The following ASTN1 variants were observed in gnomAD, a reference collection of about 807,000 sequenced individuals.
ASTN1 encodes the protein astrotactin-1.
In ASTN1, 41 loss-of-function variants were observed where a neutral mutation model predicts 140.7. The ratio of observed to expected loss-of-function variants is 0.29; its 90% CI spans 0.23 to 0.38. The LOEUF (loss-of-function observed/expected upper bound fraction) is 0.38, where lower values mean the gene tolerates loss of function less well. Ranked by LOEUF, ASTN1 falls within the 10% of genes least tolerant of loss-of-function variation. ASTN1 has a pLI of 1.00. For synonymous variants in ASTN1, 640 were observed against 652.2 expected, an observed-to-expected ratio of 0.98 and a Z score of 0.29; for missense variants, 1,479 against 1,678.8, an observed-to-expected ratio of 0.88 and a Z score of 2.08.
intron 8 of ASTN1, among the ~76,000 whole-genome samples, chr1:176,992,124 C>T (rs1674211016): frequency 6.6e-6 from 1 of 152,138 alleles, no homozygotes; most frequent in African/African-American, 2.4e-5. Context: ...AAATATCTCA[C>T]AGTGCCCCTG....
intron 8 of ASTN1, among the ~76,000 whole-genome samples, chr1:176,996,324 G>GAGAGAC (rs1219475761): frequency 3.3e-4 from 50 of 151,534 alleles, no homozygotes; most frequent in African/African-American, 1.2e-3. Flanking sequence ...GAGAGAGAGA[G>GAGAGAC]AGACAGAGAC....
At chr1:177,091,245 T>C (rs1033745744) in intron 1 of ASTN1, among the ~76,000 whole-genome samples, 1 of 152,222 alleles carries the variant, frequency 6.6e-6, no homozygotes, top group African/African-American at 2.4e-5. Context: ...AACTATACTC[T>C]ATTAAATATT....
At position 176,894,646 on chromosome 1, in the gene ASTN1, A is replaced by G. The variant is rs760492612; in HGVS notation, c.2856T>C (p.Pro952=). 3 of 1,613,958 alleles carry G rather than the reference A, an allele frequency of 1.9e-6. No individual in the cohort carries two copies. The highest frequency in any genetic ancestry group is 2.5e-6 in the Non-Finnish European group (3 of 1,180,020). Residue 952 remains proline (P), a synonymous_variant, in exon 17 of 23, where the codon CCT becomes CCC. Coordinates refer to ENST00000361833, the MANE Select transcript of ASTN1 (RefSeq NM_004319.3). ...SCPLCHVTSS[P]DTPAEPVLLE... is the part of the protein sequence containing the mutation. ...GCAGAACCGGCTCAGCAGGGGTGTC[A>G]GGGCTGGATGTCACATGACACAGGG...
intron 7 of ASTN1, among the ~76,000 whole-genome samples, chr1:177,018,581 A>G (rs1429740448): frequency 6.6e-6 from 1 of 152,212 alleles, no homozygotes; most frequent in Non-Finnish European, 1.5e-5. Context: ...TTAGCTGGGA[A>G]GCCTATGCTC....
chr1:176,956,120 C>T (rs1672389847), intron 11 of ASTN1, among the ~76,000 whole-genome samples: 1 of 152,120 alleles, frequency 6.6e-6, no homozygotes, highest in South Asian at 2.1e-4. Flanking sequence ...CAACTTCCCC[C>T]TTGGCTGCCT....
At chr1:176,929,107 G>A (rs1423109945) in intron 16 of ASTN1, among the ~76,000 whole-genome samples, 1 of 152,352 alleles carries the variant, frequency 6.6e-6, no homozygotes, top group East Asian at 1.9e-4. Context: ...CATCAGAGTG[G>A]AGGGTACTTG....
chr1:177,086,348 C>T (rs538106298), intron 1 of ASTN1, among the ~76,000 whole-genome samples: 1 of 152,158 alleles, frequency 6.6e-6, no homozygotes, highest in Non-Finnish European at 1.5e-5. Flanking sequence ...GACATAAACT[C>T]AAGTTTCTGA....
intron 22 of ASTN1, among the ~76,000 whole-genome samples, chr1:176,865,745 T>C (rs546964746): frequency 6.6e-6 from 1 of 152,332 alleles, no homozygotes; most frequent in East Asian, 1.9e-4. Flanking sequence ...GAGAAAGACA[T>C]ACCTGAGACT....
rs780613741 is a variant in ASTN1, at chr1:177,084,702, T to TCTTTCCA, written c.284-23444_284-23438dup. Among the ~76,000 whole-genome samples, 171 of 152,228 alleles carry TCTTTCCA rather than the reference T, an allele frequency of 1.1e-3. 1 individual carries two copies. Among genetic ancestry groups the TCTTTCCA allele is most frequent in the Admixed American group, 3.8e-3 (58 of 15,270 alleles). On this transcript the variant is annotated intron_variant, in intron 1 of 22. Coordinates refer to ENST00000361833, the MANE Select transcript of ASTN1 (RefSeq NM_004319.3). ...TTGTGTCTCTTTCAACTTCAATCTC[T>TCTTTCCA]CTTTCCACTCTTTCTCACGGCTTGG... is the stretch of plus-strand genomic sequence containing the variant.
chr1:176,981,525 G>A (rs1673620582), intron 8 of ASTN1: 2 of 152,252 alleles, frequency 1.3e-5, no homozygotes, highest in Non-Finnish European at 2.9e-5. Context: ...GGATGGCCAC[G>A]TGAGACACAG....
chr1:176,873,988 T>A (rs896607786), intron 21 of ASTN1, among the ~76,000 whole-genome samples: 2 of 152,202 alleles, frequency 1.3e-5, no homozygotes, highest in African/African-American at 4.8e-5. Flanking sequence ...TACCTATCCA[T>A]CCCTGTAGGT....
chr1:177,065,194 G>A (rs1466190790), intron 1 of ASTN1, among the ~76,000 whole-genome samples: 2 of 152,144 alleles, frequency 1.3e-5, no homozygotes, highest in East Asian at 3.9e-4. Context: ...GATACCACAG[G>A]TGGCAGGAGC....
chr1:177,153,357 C>T (rs1683119222), intron 1 of ASTN1, among the ~76,000 whole-genome samples: 1 of 152,100 alleles, frequency 6.6e-6, no homozygotes, highest in African/African-American at 2.4e-5. Context: ...GATACCCAAT[C>T]TTGAACTTTC....
At chr1:177,133,514 G>C (rs1313738003) in intron 1 of ASTN1, among the ~76,000 whole-genome samples, 3 of 152,170 alleles carry the variant, frequency 2.0e-5, no homozygotes, top group Non-Finnish European at 4.4e-5. Context: ...CTTTTCTTTA[G>C]GTGGTGATAG....
intron 2 of ASTN1, among the ~76,000 whole-genome samples, chr1:177,033,158 C>T (rs201441159): frequency 2.7e-4 from 26 of 96,454 alleles, no homozygotes; most frequent in South Asian, 7.6e-4. Context: ...TGTGTGTGTG[C>T]GTGATTTCAG....
intron 2 of ASTN1, among the ~76,000 whole-genome samples, chr1:177,045,572 C>T (rs1415772697): frequency 6.6e-6 from 1 of 152,094 alleles, no homozygotes; most frequent in Non-Finnish European, 1.5e-5. Context: ...GTTTCATTTC[C>T]CATGAGGATG....
chr1:176,957,912 T>C, intron 10 of ASTN1, 84 bp from the exon 11 acceptor site: 1 of 1,449,586 alleles, frequency 6.9e-7, no homozygotes, highest in Non-Finnish European at 9.4e-7. Flanking sequence ...TGCTCCTATC[T>C]AGTCAACTGA....
chr1:177,141,554 T>C (rs1249249154), intron 1 of ASTN1, among the ~76,000 whole-genome samples: 4 of 152,200 alleles, frequency 2.6e-5, no homozygotes, highest in East Asian at 1.9e-4. Context: ...AAGTGTTTTC[T>C]GCTCTGCTGT....
intron 8 of ASTN1, among the ~76,000 whole-genome samples, chr1:176,988,487 T>C (rs1674014851): frequency 6.6e-6 from 1 of 152,178 alleles, no homozygotes; most frequent in South Asian, 2.1e-4. Flanking sequence ...AACAAAGCAA[T>C]TTCCAAATGA....
Sources: gnomAD v4.1 joint callset for allele counts (sites outside exome capture counted in the v4.1 genomes callset) on GRCh38, gnomAD v4.1.1 for gene constraint, MANE v1.5 for transcripts, NCBI Gene and HGNC (gene_info 2026-07-23, HGNC 2026-07-21) for gene names.